The following LRRC28 variants were observed in gnomAD, a reference collection of about 807,000 sequenced individuals.
The protein encoded by LRRC28 is leucine-rich repeat-containing protein 28.
LRRC28 carries 39 observed loss-of-function variants against 45.7 expected under a neutral mutation model. That is an observed-to-expected ratio of 0.85 (90% CI 0.66 to 1.12). LRRC28 has a LOEUF of 1.12. Among genes scored for constraint, LRRC28 ranks in the 50% most tolerant of loss-of-function variants. The probability of loss-of-function intolerance (pLI) is 0.00; values close to 1 mark genes in which losing one functional copy is unlikely to be tolerated. For synonymous variants in LRRC28, 206 were observed against 178.8 expected (o/e 1.15, Z -1.22); for missense variants, 435 against 438.5 (o/e 0.99, Z 0.07).
chr15:99,263,780 A>T (rs1597165982), intron 2 of LRRC28, among the ~76,000 whole-genome samples: 1 of 152,194 alleles, frequency 6.6e-6, no homozygotes, highest in African/African-American at 2.4e-5. Context: ...GCATCATTCA[A>T]TCAGTGTGTA....
At chr15:99,348,400 T>G (rs999438597) in intron 6 of LRRC28, among the ~76,000 whole-genome samples, 4 of 152,172 alleles carry the variant, frequency 2.6e-5, no homozygotes, top group Non-Finnish European at 5.9e-5. Context: ...GCTTTATGGT[T>G]TCAGGTCCTA....
At chr15:99,280,105 T>C (rs2081741105) in intron 3 of LRRC28, among the ~76,000 whole-genome samples, 1 of 152,152 alleles carries the variant, frequency 6.6e-6, no homozygotes, top group Non-Finnish European at 1.5e-5. Flanking sequence ...CATTGGCATC[T>C]TTTTTTGGTG....
chr15:99,330,759 A>G (rs1482128099), intron 5 of LRRC28, among the ~76,000 whole-genome samples: 1 of 152,088 alleles, frequency 6.6e-6, no homozygotes, highest in African/African-American at 2.4e-5. Context: ...CCATTTTGCT[A>G]TGTGTAGTCT....
intron 5 of LRRC28, among the ~76,000 whole-genome samples, chr15:99,328,587 A>G (rs1402628736): frequency 6.6e-6 from 1 of 151,470 alleles, no homozygotes; most frequent in African/African-American, 2.4e-5. Context: ...GAAACTTGAT[A>G]AAGCATTATT....
At chr15:99,294,551 G>T (rs1391859423) in intron 5 of LRRC28, among the ~76,000 whole-genome samples, 1 of 152,164 alleles carries the variant, frequency 6.6e-6, no homozygotes, top group Non-Finnish European at 1.5e-5. Flanking sequence ...CAGGCTGGGA[G>T]TTCCAAGATC....
chr15:99,259,247 A>C, intron 2 of LRRC28: 1 of 1,042,562 alleles, frequency 9.6e-7, no homozygotes, highest in Admixed American at 1.7e-5. Flanking sequence ...GGCTGGGTCC[A>C]GCAGAAAAGA....
At chr15:99,325,403 C>T (rs1955939352) in intron 5 of LRRC28, among the ~76,000 whole-genome samples, 2 of 152,100 alleles carry the variant, frequency 1.3e-5, no homozygotes, top group Non-Finnish European at 2.9e-5. Flanking sequence ...CTCTTCCATT[C>T]TTGATGCTTT....
chr15:99,326,414 G>A (rs1285604988), intron 5 of LRRC28: 1 of 152,136 alleles, frequency 6.6e-6, no homozygotes, highest in Non-Finnish European at 1.5e-5. Flanking sequence ...GCAAAGATGG[G>A]CAAGACAGTC....
intron 5 of LRRC28, among the ~76,000 whole-genome samples, chr15:99,322,181 C>G (rs1178832017): frequency 5.3e-5 from 8 of 152,104 alleles, no homozygotes; most frequent in Non-Finnish European, 1.2e-4. Flanking sequence ...TGGGCCAGGG[C>G]TGATCTGGAG....
At chr15:99,344,846 G>C (rs949066696) in intron 6 of LRRC28, among the ~76,000 whole-genome samples, 2 of 152,100 alleles carry the variant, frequency 1.3e-5, no homozygotes, top group Admixed American at 1.3e-4. Flanking sequence ...TTGTGCCCTT[G>C]GTTTGAGGGG....
intron 5 of LRRC28, chr15:99,333,721 A>G: frequency 1.3e-5 from 8 of 609,032 alleles, no homozygotes; most frequent in Non-Finnish European, 2.3e-5. Flanking sequence ...CCATTTAAGA[A>G]ATGTTGGCAG....
chr15:99,382,212 A>T (rs1466437242), intron 9 of LRRC28, among the ~76,000 whole-genome samples: 1 of 151,988 alleles, frequency 6.6e-6, no homozygotes, highest in East Asian at 1.9e-4. Flanking sequence ...TCGTTTACCT[A>T]CTCAAGCCTC....
At position 99,276,585 on chromosome 15, in the gene LRRC28, C is replaced by G; in HGVS notation, c.178C>G (p.Leu60Val). 6.5e-7 allele frequency: 1 copy of G among 1,528,340 alleles called. No individual in the cohort carries two copies. The highest frequency in any genetic ancestry group is 8.7e-7 in the Non-Finnish European group (1 of 1,145,580). 94.7% of individuals were successfully genotyped at this position (1,528,340 alleles called of 1,614,324 possible). Residue 60 changes from leucine to valine, a missense_variant, in exon 3 of 10, where the codon CTT becomes GTT. Transcript: ENST00000301981. The stretch of plus-strand genomic sequence containing the variant: ...AGTTTTTAATTTTCAGCCAGAAAAC[C>G]TTGCTCAGAAGCTTCCAAACCTTGT... ...RNSLTSLPEN[L>V]AQKLPNLVEL...
At chr15:99,380,673 A>T (rs1312544400) in intron 9 of LRRC28, among the ~76,000 whole-genome samples, 2 of 152,184 alleles carry the variant, frequency 1.3e-5, no homozygotes, top group African/African-American at 2.4e-5. Flanking sequence ...GGCTGGTACC[A>T]GTTGTTCCTG....
chr15:99,311,929 T>C (rs1955428012), intron 5 of LRRC28, among the ~76,000 whole-genome samples: 1 of 152,228 alleles, frequency 6.6e-6, no homozygotes, highest in Non-Finnish European at 1.5e-5. Flanking sequence ...AACAGAGCTA[T>C]ACTGGAGCAA....
chr15:99,343,379 A>G (rs1956579408), intron 6 of LRRC28, among the ~76,000 whole-genome samples: 1 of 152,302 alleles, frequency 6.6e-6, no homozygotes, highest in Middle Eastern at 3.4e-3. Flanking sequence ...GCCTGAATAC[A>G]CAGGAGCTTT....
At position 99,361,254 on chromosome 15, in the gene LRRC28, A is replaced by G. The variant is rs1184370418; in HGVS notation, c.696-82A>G. 8.9e-6 allele frequency: 13 copies of G among 1,454,256 alleles called. No homozygotes were observed. The Admixed American group carries it at 1.1e-4, about 13-fold the overall frequency. 90.1% of individuals were successfully genotyped at this position (1,454,256 alleles called of 1,614,324 possible). A position where few individuals can be genotyped will look rare whatever the true frequency, so the allele number is the denominator to read the frequency against. ...AGCAGTGTCATAAATTTTCAAATGT[A>G]TATTTTGATTAACACATTTTATTGG... On this transcript the variant is annotated intron_variant, in intron 7 of 9. Coordinates refer to ENST00000301981, the MANE Select transcript of LRRC28 (RefSeq NM_144598.5).
intron 6 of LRRC28, among the ~76,000 whole-genome samples, chr15:99,337,229 A>T (rs554107613): frequency 6.6e-6 from 1 of 152,184 alleles, no homozygotes; most frequent in African/African-American, 2.4e-5. Flanking sequence ...CCAAGGTGGC[A>T]GTGTTGTTGG....
intron 5 of LRRC28, among the ~76,000 whole-genome samples, chr15:99,301,092 G>C (rs889568431): frequency 1.3e-5 from 2 of 152,152 alleles, no homozygotes; most frequent in South Asian, 2.1e-4. Flanking sequence ...CTCTTGTTCA[G>C]AGATAAATTT....
Sources: allele counts gnomAD v4.1 joint callset (sites outside exome capture counted in the v4.1 genomes callset), GRCh38; gene constraint gnomAD v4.1.1; transcripts MANE v1.5; gene names NCBI Gene and HGNC (gene_info 2026-07-23, HGNC 2026-07-21).